The following ZFYVE28 variants were observed in gnomAD, a reference collection of about 807,000 sequenced individuals.
ZFYVE28 encodes the protein zinc finger FYVE-type containing 28, also known as lateral signaling target protein 2 homolog.
In ZFYVE28, 40 loss-of-function variants were observed where a neutral mutation model predicts 82.1. That is an observed-to-expected ratio of 0.49 (90% CI 0.38 to 0.63). ZFYVE28 has a LOEUF of 0.63. ZFYVE28 is among the 30% of genes least tolerant of loss of function. The pLI, the probability that ZFYVE28 is intolerant of heterozygous loss-of-function variation, is 0.00. For missense variants in ZFYVE28, 1,321 were observed against 1,242.1 expected (o/e 1.06, Z -0.96); for synonymous variants, 612 against 546.1 (o/e 1.12, Z -1.68).
In ZFYVE28 at chr4:2,337,561, TG is replaced by T. The variant is rs1210782092; in HGVS notation, c.522-66del. 523 of 1,255,576 alleles carry T rather than the reference TG, an allele frequency of 4.2e-4. 1 individual carries two copies. Among genetic ancestry groups the T allele is most frequent in the Non-Finnish European group, 4.5e-4 (415 of 918,350 alleles). 77.8% of individuals were successfully genotyped at this position (1,255,576 alleles called of 1,614,324 possible). On this transcript the variant is annotated intron_variant, in intron 4 of 12. Transcript: ENST00000290974. ...GTGGCGGGGCCCCTCCAAAACAGAGTGGGGGGCATCTTCAATTAAAGCTGCA... is the reference window on the plus strand; with the variant it reads ...GTGGCGGGGCCCCTCCAAAACAGAGTGGGGGCATCTTCAATTAAAGCTGCA...
chr4:2,285,051 G>C (rs1426473018), intron 8 of ZFYVE28, among the ~76,000 whole-genome samples: 1 of 152,258 alleles, frequency 6.6e-6, no homozygotes, highest in Non-Finnish European at 1.5e-5. Context: ...GGTCATCCAG[G>C]AGTAGGGTGG....
At position 2,293,614 on chromosome 4, in the gene ZFYVE28, G is replaced by A. The variant is rs565778303; in HGVS notation, c.2051+10675C>T. 6.6e-5 allele frequency among the ~76,000 whole-genome samples: 10 copies of A among 151,948 alleles called. No individual in the cohort carries two copies. In the South Asian group the frequency reaches 8.3e-4, roughly 13 times the overall value. ...TAAAAATACAAAAAATTAGCTGGGCGTAGTGGCAGGCACCTGTAGTCCCAG... is the reference window on the plus strand; with the variant it reads ...TAAAAATACAAAAAATTAGCTGGGCATAGTGGCAGGCACCTGTAGTCCCAG... On this transcript the variant is annotated intron_variant, in intron 8 of 12. Transcript: ENST00000290974.
chr4:2,321,534 C>T (rs1392406928), intron 6 of ZFYVE28, among the ~76,000 whole-genome samples: 2 of 152,076 alleles, frequency 1.3e-5, no homozygotes, highest in Middle Eastern at 3.2e-3. Flanking sequence ...CACAACCAGC[C>T]TTCCATTCTG....
At chr4:2,388,245 C>T (rs888980355) in intron 1 of ZFYVE28, among the ~76,000 whole-genome samples, 2 of 152,206 alleles carry the variant, frequency 1.3e-5, no homozygotes, top group African/African-American at 4.8e-5. Flanking sequence ...CCATATTAAA[C>T]ATGGATCCCA....
chr4:2,364,841 T>A (rs1374748946), intron 1 of ZFYVE28: 17 of 985,280 alleles, frequency 1.7e-5, no homozygotes, highest in Non-Finnish European at 2.0e-5. Flanking sequence ...GATACCGCGA[T>A]AAAACCCCCA....
chr4:2,292,239 A>G (rs750214010), intron 8 of ZFYVE28, among the ~76,000 whole-genome samples: 1 of 152,158 alleles, frequency 6.6e-6, no homozygotes, highest in African/African-American at 2.4e-5. Context: ...AGACATGGAG[A>G]TGCCCACCTT....
intron 1 of ZFYVE28, among the ~76,000 whole-genome samples, chr4:2,384,964 C>A (rs1729099649): frequency 6.6e-6 from 1 of 151,622 alleles, no homozygotes; most frequent in South Asian, 2.1e-4. Context: ...TAAGGATTAT[C>A]ATAAACACAC....
intron 7 of ZFYVE28, among the ~76,000 whole-genome samples, chr4:2,313,117 G>GTT (rs984303342): frequency 6.4e-5 from 9 of 139,746 alleles, no homozygotes; most frequent in Non-Finnish European, 1.1e-4. Context: ...GTTTTTCCAG[G>GTT]TTTTTTTTTT....
intron 8 of ZFYVE28, among the ~76,000 whole-genome samples, chr4:2,298,362 A>T (rs1266720954): frequency 6.6e-6 from 1 of 152,184 alleles, no homozygotes; most frequent in Non-Finnish European, 1.5e-5. Flanking sequence ...TGCATATGAC[A>T]AAACTGAGGC....
In ZFYVE28 at chr4:2,320,253, C is replaced by T. The variant is rs778214423; in HGVS notation, c.720G>A (p.Ala240=). 1.7e-5 allele frequency: 27 copies of T among 1,613,990 alleles called. No individual in the cohort carries two copies. The highest frequency in any genetic ancestry group is 1.6e-4 in the Middle Eastern group (1 of 6,082). The stretch of plus-strand genomic sequence containing the variant: ...TGCGGTCCAAGTTCAGAGGTCCGTC[C>T]GCATAGACCACGAGGCCACTGCATT... ...LAIVCGLVVY[A]DGPLNLDRKV... Residue 240 remains alanine (A), a synonymous_variant, in exon 7 of 13, where the codon GCG becomes GCA. Transcript: ENST00000290974. This position sits in a 1 kb window ranked among gnomAD's most constrained non-coding sequence, Gnocchi z 5.1.
chr4:2,285,802 A>C (rs979902367), intron 8 of ZFYVE28: 7 of 152,434 alleles, frequency 4.6e-5, no homozygotes, highest in African/African-American at 1.7e-4. Context: ...GCTCAGCGGG[A>C]GGGAGGGAAA....
chr4:2,297,277 C>G (rs1334200536), intron 8 of ZFYVE28, among the ~76,000 whole-genome samples: 1 of 152,228 alleles, frequency 6.6e-6, no homozygotes, highest in African/African-American at 2.4e-5. Flanking sequence ...GCAGCGACCT[C>G]ACCATGGGGC....
chr4:2,411,806 A>G (rs1050821200), intron 1 of ZFYVE28, among the ~76,000 whole-genome samples: 1 of 152,240 alleles, frequency 6.6e-6, no homozygotes, highest in Non-Finnish European at 1.5e-5. Context: ...AGTGCAGCAC[A>G]AGTGCACCCC....
chr4:2,275,763 T>C (rs1295091220), intron 8 of ZFYVE28, among the ~76,000 whole-genome samples: 1 of 152,238 alleles, frequency 6.6e-6, no homozygotes, highest in East Asian at 1.9e-4. Context: ...CAGGGCTGTC[T>C]ACACTCTGGA....
In ZFYVE28 at chr4:2,418,220, G is replaced by T; in HGVS notation, c.39+65C>A. On this transcript the variant is annotated intron_variant, in intron 1 of 12. Coordinates refer to ENST00000290974, the MANE Select transcript of ZFYVE28 (RefSeq NM_020972.3). This position sits in a 1 kb window ranked among gnomAD's most constrained non-coding sequence, Gnocchi z 4.6. ...AGGGAGTCCGTCTTGTAGGGCGGACGGGCGGTCCTGGGGAAGGGAGAGGCC... is the reference window on the plus strand; with the variant it reads ...AGGGAGTCCGTCTTGTAGGGCGGACTGGCGGTCCTGGGGAAGGGAGAGGCC... 6.8e-7 allele frequency: 1 copy of T among 1,464,524 alleles called. No individual in the cohort carries two copies. The highest frequency in any genetic ancestry group is 1.3e-5 in the South Asian group (1 of 78,368). 90.7% of individuals were successfully genotyped at this position (1,464,524 alleles called of 1,614,324 possible). A position where few individuals can be genotyped will look rare whatever the true frequency, so the allele number is the denominator to read the frequency against.
chr4:2,350,453 G>A (rs1371698864), intron 2 of ZFYVE28, among the ~76,000 whole-genome samples: 1 of 151,026 alleles, frequency 6.6e-6, no homozygotes, highest in African/African-American at 2.4e-5. Flanking sequence ...GACAGAGCGA[G>A]ACTCCGTCTC....
chr4:2,342,162 G>C (rs1722923286), intron 2 of ZFYVE28, among the ~76,000 whole-genome samples: 2 of 152,182 alleles, frequency 1.3e-5, no homozygotes, highest in Non-Finnish European at 2.9e-5. Flanking sequence ...TCAAGGCCAG[G>C]CACAGCTGGG....
intron 6 of ZFYVE28, among the ~76,000 whole-genome samples, chr4:2,334,452 C>T (rs1397453494): frequency 6.6e-6 from 1 of 151,978 alleles, no homozygotes; most frequent in Admixed American, 6.5e-5. Flanking sequence ...ACTGCCACCG[C>T]CCCGCGTGCT....
rs1324600230 is a variant in ZFYVE28, at chr4:2,362,507, C to T, written c.40-8434G>A. Among the ~76,000 whole-genome samples the T allele has an allele frequency of 6.6e-6, 1 of 151,730 alleles. No homozygotes were observed. Among genetic ancestry groups the T allele is most frequent in the African/African-American group, 2.4e-5 (1 of 41,022 alleles). On this transcript the variant is annotated intron_variant, in intron 1 of 12. Transcript: ENST00000290974. This position sits in a 1 kb window ranked among gnomAD's most constrained non-coding sequence, Gnocchi z 5.1. The stretch of plus-strand genomic sequence containing the variant: ...ACTGCTGCCAATCACAGGCCCAGCC[C>T]CTCCTGCACATGCCCAACCCCTCCT...
Sources: gnomAD v4.1 joint callset for allele counts (sites outside exome capture counted in the v4.1 genomes callset) on GRCh38, gnomAD v4.1.1 for gene constraint, Gnocchi (gnomAD v3.1) non-coding constraint, MANE v1.5 for transcripts, NCBI Gene and HGNC (gene_info 2026-07-23, HGNC 2026-07-21) for gene names.